The following BPIFB4 variants were observed in gnomAD, a reference collection of about 807,000 sequenced individuals.
The protein encoded by BPIFB4 is BPI fold-containing family B member 4.
In BPIFB4, 62 loss-of-function variants were observed where a neutral mutation model predicts 69.2. The ratio of observed to expected loss-of-function variants is 0.90; its 90% confidence interval spans 0.73 to 1.11. The LOEUF (loss-of-function observed/expected upper bound fraction) is 1.11. BPIFB4 is among the 50% of genes least tolerant of loss of function. The pLI is 0.00. For missense variants in BPIFB4, 789 were observed against 792.0 expected, an observed-to-expected ratio of 1.00 and a Z score of 0.04; for synonymous variants, 330 against 332.7, an observed-to-expected ratio of 0.99 and a Z score of 0.09.
chr20:33,086,285 G>C (rs1010315975), intron 7 of BPIFB4, 121 bp downstream of exon 7: 4 of 1,311,074 alleles, frequency 3.1e-6, no homozygotes, highest in Admixed American at 2.0e-5. Flanking sequence ...TGATGCTGTG[G>C]GGTGGTGAGT....
rs771968683 is a variant in BPIFB4, at chr20:33,109,607, G to T, written c.1821+1787G>T. Among the ~76,000 whole-genome samples the T allele has an allele frequency of 1.1e-3, 173 of 152,092 alleles. 5 individuals carry two copies. Among genetic ancestry groups the T allele is most frequent in the Non-Finnish European group, 3.4e-4 (23 of 68,030 alleles). ...GGGCCTTTTTGAAATTGGTGGAGAT[G>T]AATTTTTCTTTCCTGAATGTGTGCA... On this transcript the variant is annotated intron_variant, in intron 17 of 17. Coordinates refer to ENST00000375483, the MANE Select transcript of BPIFB4 (RefSeq NM_182519.3).
chr20:33,107,619 G>A (rs1982106016), intron 16 of BPIFB4, 125 bp from the exon 17 acceptor site: 1 of 684,570 alleles, frequency 1.5e-6, no homozygotes, highest in African/African-American at 1.8e-5. Context: ...CTGGGCAACA[G>A]AGCGAGACTC....
chr20:33,084,026 A>C, intron 5 of BPIFB4, 152 bp downstream of exon 5: 1 of 942,328 alleles, frequency 1.1e-6, no homozygotes, highest in Non-Finnish European at 1.5e-6. Flanking sequence ...AAGACCCCCA[A>C]GTTACATGGT....
At chr20:33,080,009 G>C (rs1175725589) in intron 1 of BPIFB4, among the ~76,000 whole-genome samples, 1 of 152,184 alleles carries the variant, frequency 6.6e-6, no homozygotes, top group African/African-American at 2.4e-5. Flanking sequence ...ATCTTCCATC[G>C]GTGCCCATCT....
At chr20:33,083,178 A>G (rs13037799) in intron 4 of BPIFB4, among the ~76,000 whole-genome samples, 178 bp downstream of exon 4, 81,985 of 108,664 alleles carry the variant, frequency 0.75, 30,897 homozygotes, top group East Asian at 0.97. Flanking sequence ...AGTGGTGGGG[A>G]GTTGCTGGGT....
chr20:33,106,441 C>T (rs1263161210), intron 16 of BPIFB4, among the ~76,000 whole-genome samples: 2 of 149,832 alleles, frequency 1.3e-5, no homozygotes, highest in Non-Finnish European at 3.0e-5. Context: ...GGCACGATCT[C>T]GGCTCACTGC....
chr20:33,096,518 G>A (rs1002635761), intron 12 of BPIFB4, among the ~76,000 whole-genome samples: 1 of 152,148 alleles, frequency 6.6e-6, no homozygotes, highest in Admixed American at 6.6e-5. Context: ...CAAGTGATCT[G>A]CCCACCTCGG....
chr20:33,083,885 G>T lies in BPIFB4; in HGVS notation c.677+11G>T. Reference sequence around the variant, plus strand: ...GCAAGGCATCACGGGGTAAGGAGGGGACGGGTTCTCCCCAGAAAGCCCCCA... The same window carrying T: ...GCAAGGCATCACGGGGTAAGGAGGGTACGGGTTCTCCCCAGAAAGCCCCCA... On this transcript the variant is annotated intron_variant, in intron 5 of 17. Coordinates refer to ENST00000375483, the MANE Select transcript of BPIFB4 (RefSeq NM_182519.3). The T allele has an allele frequency of 6.3e-7, 1 of 1,592,062 alleles. No individual in the cohort carries two copies. Among genetic ancestry groups the T allele is most frequent in the South Asian group, 1.1e-5 (1 of 89,640 alleles).
At position 33,084,999 on chromosome 20, in the gene BPIFB4, G is replaced by A; in HGVS notation, c.782+3G>A. The A allele has an allele frequency of 6.2e-7, 1 of 1,610,832 alleles. No homozygotes were observed. Among genetic ancestry groups the A allele is most frequent in the Non-Finnish European group, 8.5e-7 (1 of 1,179,644 alleles). On this transcript the variant is annotated splice_donor_region_variant and intron_variant, in intron 6 of 17. Coordinates refer to ENST00000375483, the MANE Select transcript of BPIFB4 (RefSeq NM_182519.3). ...CGTGTGGCCATCAACGGGAAGAGGT[G>A]CGTGCCCTTGGCCCTGGAGGGGTCC...
At chr20:33,103,243 C>T (rs1310618377) in intron 15 of BPIFB4, among the ~76,000 whole-genome samples, 6 of 152,206 alleles carry the variant, frequency 3.9e-5, no homozygotes, top group African/African-American at 1.4e-4. Context: ...TTCTACTCTG[C>T]CTCGGGTGCT....
chr20:33,082,825 G>A (rs555518423), intron 3 of BPIFB4, 113 bp from the exon 4 acceptor site: 42 of 1,046,892 alleles, frequency 4.0e-5, no homozygotes, highest in African/African-American at 3.6e-4. Context: ...TCTGCTCTTC[G>A]CTGGTGGGAA....
intron 7 of BPIFB4, among the ~76,000 whole-genome samples, chr20:33,087,271 C>T (rs1230973465): frequency 6.6e-6 from 1 of 152,170 alleles, no homozygotes; most frequent in Non-Finnish European, 1.5e-5. Flanking sequence ...CCTCTGCCTC[C>T]CTCCCACCAA....
At chr20:33,096,691 G>A (rs1981764715) in intron 12 of BPIFB4, among the ~76,000 whole-genome samples, 1 of 152,246 alleles carries the variant, frequency 6.6e-6, no homozygotes, top group South Asian at 2.1e-4. Flanking sequence ...TGATGAGGCA[G>A]TAGCAGAGCT....
intron 4 of BPIFB4, 75 bp from the exon 5 acceptor site, chr20:33,083,292 G>T (rs1981297401): frequency 9.4e-6 from 14 of 1,496,360 alleles, no homozygotes; most frequent in Non-Finnish European, 1.2e-5. Context: ...GGGCTGCTGG[G>T]TGGCAGTGGT....
rs764228705 is a variant in BPIFB4, at chr20:33,092,471, A to G, written c.1157A>G (p.Glu386Gly). Reference sequence around the variant, plus strand: ...CTTCTCCCCCAGACGCTGGTTGGGGAGGCTGGAGGAGGACTCATCGACTAC... The same window carrying G: ...CTTCTCCCCCAGACGCTGGTTGGGGGGGCTGGAGGAGGACTCATCGACTAC... ...LELDLNTLVG[E>G]AGGGLIDYPL... The change falls in exon 11 of 18, where the codon GAG (glutamate) becomes GGG (glycine). Residue 386 changes from glutamate to glycine, a missense_variant. By Grantham distance (98) the Glu-to-Gly change is moderately conservative (BLOSUM62 -2). This residue lies in a region of BPIFB4 where 611 missense variants were observed against 575.4 expected (regional missense o/e 1.06). Transcript: ENST00000375483. The G allele has an allele frequency of 6.2e-7, 1 of 1,613,010 alleles. No individual in the cohort carries two copies. The highest frequency in any genetic ancestry group is 1.1e-5 in the South Asian group (1 of 91,046).
chr20:33,100,034 T>C (rs1047760534), intron 13 of BPIFB4, among the ~76,000 whole-genome samples: 3 of 151,992 alleles, frequency 2.0e-5, no homozygotes, highest in Admixed American at 6.6e-5. Flanking sequence ...GTGAGTTTCA[T>C]AGGCTACGAG....
intron 6 of BPIFB4, 84 bp from the exon 7 acceptor site, chr20:33,085,937 A>G (rs1981409981): frequency 6.8e-7 from 1 of 1,480,248 alleles, no homozygotes; most frequent in Admixed American, 1.7e-5. Context: ...GATGGCAGGG[A>G]CAGCAAGGAC....
At chr20:33,105,835 G>A (rs1475477104) in intron 16 of BPIFB4, among the ~76,000 whole-genome samples, 2 of 152,228 alleles carry the variant, frequency 1.3e-5, no homozygotes, top group East Asian at 1.9e-4. Flanking sequence ...TGACCTGGGA[G>A]GGAAGAGACG....
chr20:33,110,610 G>A (rs1600566750), intron 17 of BPIFB4, among the ~76,000 whole-genome samples: 1 of 152,180 alleles, frequency 6.6e-6, no homozygotes, highest in Non-Finnish European at 1.5e-5. Context: ...TGACTGTGGT[G>A]TGTGCCTAAT....
Sources: allele counts gnomAD v4.1 joint callset (sites outside exome capture counted in the v4.1 genomes callset), GRCh38; gene constraint gnomAD v4.1.1; regional missense constraint gnomAD v4.1.1; transcripts MANE v1.5; gene names NCBI Gene and HGNC (gene_info 2026-07-23, HGNC 2026-07-21).